FAM107B: variants seen among roughly 807,000 people sequenced by gnomAD.
The protein encoded by FAM107B is family with sequence similarity 107 member B.
In FAM107B, 21 loss-of-function variants were observed where a neutral mutation model predicts 31.5. The observed-to-expected ratio is 0.67, with a 90% confidence interval of 0.47 to 0.96. The LOEUF (loss-of-function observed/expected upper bound fraction) is 0.96. Among genes scored for constraint, FAM107B ranks in the 40% least tolerant of loss-of-function variants. The probability of loss-of-function intolerance (pLI) is 0.00; values close to 1 mark genes in which losing one functional copy is unlikely to be tolerated. For missense variants in FAM107B, 452 were observed against 377.1 expected (o/e 1.20, Z -1.64); for synonymous variants, 157 against 141.5 (o/e 1.11, Z -0.78).
chr10:14,574,730 T>G (rs771535718), intron 2 of FAM107B, among the ~76,000 whole-genome samples: 8 of 152,152 alleles, frequency 5.3e-5, no homozygotes, highest in Non-Finnish European at 7.3e-5. Flanking sequence ...GGAAATAAAA[T>G]TACTTGATTT....
At chr10:14,618,357 A>G (rs955520690) in intron 2 of FAM107B, among the ~76,000 whole-genome samples, 2 of 152,194 alleles carry the variant, frequency 1.3e-5, no homozygotes, top group Non-Finnish European at 2.9e-5. Context: ...AAGCCGTTAT[A>G]AACATCTCAC....
rs1260567974 is a variant in FAM107B at position 14,629,519 on chromosome 10, A to AT, written c.469+38114dup. On this transcript the variant is annotated intron_variant, in intron 2 of 4. Coordinates refer to ENST00000181796, the MANE Select transcript of FAM107B (RefSeq NM_031453.4). Reference sequence around the variant, plus strand: ...ATATATATATTTAATATATATATATATATTTTTTTTTGAGATGAAGACTCG... The same window carrying AT: ...ATATATATATTTAATATATATATATATTATTTTTTTTTGAGATGAAGACTCG... 3.4e-3 allele frequency among the ~76,000 whole-genome samples: 381 copies of AT among 112,898 alleles called. 15 individuals are homozygous for AT. Among genetic ancestry groups the AT allele is most frequent in the South Asian group, 0.025 (102 of 4,094 alleles). The allele number at this position is 112,898 out of a possible 152,430, so 74.1% of individuals were successfully genotyped here. A position where few individuals can be genotyped will look rare whatever the true frequency, so the allele number is the denominator to read the frequency against.
At chr10:14,632,827 G>GTA (rs1327562337) in intron 2 of FAM107B, among the ~76,000 whole-genome samples, 1 of 152,014 alleles carries the variant, frequency 6.6e-6, no homozygotes, top group East Asian at 1.9e-4. Context: ...GGGGTACAGG[G>GTA]CAAGAAATGC....
At chr10:14,558,893 A>C (rs1233496493) in intron 2 of FAM107B, among the ~76,000 whole-genome samples, 3 of 152,146 alleles carry the variant, frequency 2.0e-5, no homozygotes, top group Non-Finnish European at 4.4e-5. Flanking sequence ...AAAACGCAGG[A>C]GAAAAAAAAA....
At chr10:14,636,148 C>G (rs1211377354) in intron 2 of FAM107B, among the ~76,000 whole-genome samples, 2 of 152,112 alleles carry the variant, frequency 1.3e-5, no homozygotes, top group Non-Finnish European at 2.9e-5. Context: ...GGATTGGCTA[C>G]CTTCACCAAT....
At chr10:14,743,457 A>G (rs1832663360) in intron 1 of FAM107B, among the ~76,000 whole-genome samples, 1 of 151,888 alleles carries the variant, frequency 6.6e-6, no homozygotes, top group African/African-American at 2.4e-5. Context: ...TATTGCATAG[A>G]TTTTCTTCTA....
intron 2 of FAM107B, among the ~76,000 whole-genome samples, chr10:14,553,866 G>A (rs944751955): frequency 2.0e-5 from 3 of 152,164 alleles, no homozygotes; most frequent in Admixed American, 2.0e-4. Context: ...GGCCAGAGAG[G>A]CTAAGAAACT....
intron 2 of FAM107B, among the ~76,000 whole-genome samples, chr10:14,548,062 G>A (rs1314708544): frequency 6.6e-6 from 1 of 152,222 alleles, no homozygotes; most frequent in African/African-American, 2.4e-5. Flanking sequence ...TCGCAGGGAG[G>A]ACACCAAAAA....
chr10:14,751,923 G>C (rs1832835465), intron 1 of FAM107B, among the ~76,000 whole-genome samples: 1 of 152,170 alleles, frequency 6.6e-6, no homozygotes, highest in Admixed American at 6.5e-5. Context: ...AAATGGCTGG[G>C]AAGGTGAGAA....
At chr10:14,682,635 A>G (rs1854865259) in intron 1 of FAM107B, among the ~76,000 whole-genome samples, 1 of 152,204 alleles carries the variant, frequency 6.6e-6, no homozygotes, top group South Asian at 2.1e-4. Context: ...GCAAACTAAC[A>G]TAAGAACAGA....
intron 1 of FAM107B, among the ~76,000 whole-genome samples, chr10:14,676,164 C>A (rs1414992583): frequency 2.0e-5 from 3 of 152,044 alleles, no homozygotes; most frequent in Non-Finnish European, 2.9e-5. Context: ...GTCTCAGAAT[C>A]AAAAACAAAA....
At chr10:14,537,649 C>T (rs981814820) in intron 2 of FAM107B, among the ~76,000 whole-genome samples, 4 of 151,978 alleles carry the variant, frequency 2.6e-5, no homozygotes, top group Admixed American at 1.3e-4. Context: ...ACCATCCTGG[C>T]CAACACGGTG....
chr10:14,560,977 G>A (rs1297067890), intron 2 of FAM107B, among the ~76,000 whole-genome samples: 1 of 152,084 alleles, frequency 6.6e-6, no homozygotes, highest in African/African-American at 2.4e-5. Context: ...TCATAATTTT[G>A]TTCCCTACAC....
At chr10:14,770,352 A>G (rs1261514385) in intron 1 of FAM107B, among the ~76,000 whole-genome samples, 6 of 151,972 alleles carry the variant, frequency 3.9e-5, no homozygotes, top group Non-Finnish European at 5.9e-5. Context: ...GTGAAAACCC[A>G]TCTCTACTAA....
chr10:14,731,957 C>G (rs1869229), intron 1 of FAM107B, among the ~76,000 whole-genome samples: 106,202 of 152,104 alleles, frequency 0.7, 37,916 homozygotes, highest in African/African-American at 0.87. Flanking sequence ...GTGCATGATG[C>G]TACTTCCCTG....
At chr10:14,521,821 C>A (rs752038569) in intron 4 of FAM107B, 48 bp downstream of exon 4, 1 of 1,598,636 alleles carries the variant, frequency 6.3e-7, no homozygotes, top group South Asian at 1.1e-5. Flanking sequence ...CTCCAACATT[C>A]TTCAAGACAA....
intron 2 of FAM107B, among the ~76,000 whole-genome samples, chr10:14,642,094 C>T (rs944250952): frequency 2.6e-5 from 4 of 152,190 alleles, no homozygotes; most frequent in East Asian, 1.9e-4. Flanking sequence ...GTTCCCATTC[C>T]GAAAGGGAGA....
chr10:14,651,778 T>C (rs1241801270), intron 2 of FAM107B, among the ~76,000 whole-genome samples: 2 of 152,130 alleles, frequency 1.3e-5, no homozygotes, highest in African/African-American at 4.8e-5. Context: ...AATCTGACGG[T>C]GTGTAGGGTT....
chr10:14,727,300 T>G (rs1443023660), intron 1 of FAM107B, among the ~76,000 whole-genome samples: 1 of 152,226 alleles, frequency 6.6e-6, no homozygotes, highest in Non-Finnish European at 1.5e-5. Flanking sequence ...ACACTCTGAC[T>G]TTTCCCTAAC....
Sources: gnomAD v4.1 joint callset for allele counts (sites outside exome capture counted in the v4.1 genomes callset) on GRCh38, gnomAD v4.1.1 for gene constraint, MANE v1.5 for transcripts, NCBI Gene and HGNC (gene_info 2026-07-23, HGNC 2026-07-21) for gene names.